Variants in USP10 observed in about 807,000 individuals in gnomAD.
USP10 encodes ubiquitin carboxyl-terminal hydrolase 10.
A neutral mutation model predicts 84.5 loss-of-function variants in USP10; 22 were observed. That is an observed-to-expected ratio of 0.26 (90% CI 0.19 to 0.37). The LOEUF (loss-of-function observed/expected upper bound fraction) is 0.37. Among genes scored for constraint, USP10 ranks in the 10% least tolerant of loss-of-function variants. The probability of loss-of-function intolerance (pLI) is 1.00; values close to 1 mark genes in which losing one functional copy is unlikely to be tolerated. For synonymous variants in USP10, 454 were observed against 387.6 expected, an observed-to-expected ratio of 1.17 and a Z score of -2.01; for missense variants, 1,019 against 998.9, an observed-to-expected ratio of 1.02 and a Z score of -0.27.
intron 1 of USP10, among the ~76,000 whole-genome samples, chr16:84,726,911 A>G (rs1356582217): frequency 6.6e-6 from 1 of 152,016 alleles, no homozygotes; most frequent in Non-Finnish European, 1.5e-5. Flanking sequence ...GCTTTCTGAT[A>G]CCTCCTTTTG....
At chr16:84,720,003 T>A (rs1396482300) in intron 1 of USP10, among the ~76,000 whole-genome samples, 2 of 152,236 alleles carry the variant, frequency 1.3e-5, no homozygotes, top group African/African-American at 4.8e-5. Flanking sequence ...GTAACTTTGC[T>A]TTCCATTAAC....
At position 84,745,314 on chromosome 16, in the gene USP10, C is replaced by G. The variant is rs762659559; in HGVS notation, c.833C>G (p.Thr278Ser). 6.2e-7 allele frequency: 1 copy of G among 1,612,984 alleles called. No homozygotes were observed. The highest frequency in any genetic ancestry group is 1.3e-5 in the African/African-American group (1 of 74,918). ...AGAQPCVGTD[T>S]TENLGVANGQ... Reference sequence around the variant, plus strand: ...GCTCAGCCCTGCGTTGGTACCGATACTACTGAAAACCTTGGAGTTGCTAAT... The same window carrying G: ...GCTCAGCCCTGCGTTGGTACCGATAGTACTGAAAACCTTGGAGTTGCTAAT... Residue 278 changes from threonine to serine, a missense_variant, in exon 4 of 14, where the codon ACT (threonine) becomes AGT (serine). Physicochemically the swap from Thr to Ser is moderately conservative, Grantham distance 58. Coordinates refer to ENST00000219473, the MANE Select transcript of USP10 (RefSeq NM_005153.3).
At position 84,745,553 on chromosome 16, in the gene USP10, G is replaced by A; in HGVS notation, c.1072G>A (p.Ala358Thr). The A allele has an allele frequency of 1.2e-6, 2 of 1,611,994 alleles. No individual in the cohort carries two copies. The highest frequency in any genetic ancestry group is 1.1e-5 in the South Asian group (1 of 90,618). ...TAAGCCCTCTTCCTCCTCGCCGGTG[G>A]CCTATGTGGAAACTAAGTATTCCCC... ...DSKPSSSSPV[A>T]YVETKYSPPA... The change falls in exon 4 of 14, where the codon GCC (alanine) becomes ACC (threonine). Residue 358 changes from alanine to threonine, a missense_variant. Transcript: ENST00000219473.
At chr16:84,743,420 G>A (rs987734780) in intron 3 of USP10, among the ~76,000 whole-genome samples, 1 of 152,100 alleles carries the variant, frequency 6.6e-6, no homozygotes, top group Admixed American at 6.5e-5. Flanking sequence ...CACGTAACTG[G>A]CCCCTCTCAG....
At chr16:84,713,410 C>G (rs12445172) in intron 1 of USP10, among the ~76,000 whole-genome samples, 31,051 of 151,908 alleles carry the variant, frequency 0.2, 3,791 homozygotes, top group East Asian at 0.38. Flanking sequence ...ACACTTGTCA[C>G]CCTGTCTGCT....
Position 84,768,089 on chromosome 16 carries a change from A to T in USP10, c.1833-104A>T, listed in dbSNP as rs369562546. On this transcript the variant is annotated intron_variant, in intron 10 of 13. Coordinates refer to ENST00000219473, the MANE Select transcript of USP10 (RefSeq NM_005153.3). ...TTTTCTCTGTGGTCTTTTGAAAGTG[A>T]TATTGAATAATCTTATTTTCAGTGT... 62 of 1,266,938 alleles carry T rather than the reference A, an allele frequency of 4.9e-5. 1 individual carries two copies. In the East Asian group the frequency reaches 5.6e-4, roughly 11 times the overall value. 78.5% of individuals were successfully genotyped at this position (1,266,938 alleles called of 1,614,324 possible).
chr16:84,738,542 C>T (rs1843915849), intron 2 of USP10, among the ~76,000 whole-genome samples: 1 of 152,156 alleles, frequency 6.6e-6, no homozygotes, highest in South Asian at 2.1e-4. Flanking sequence ...TGCCTGCCAG[C>T]ATCAATGCTG....
chr16:84,725,347 C>T (rs1341803040), intron 1 of USP10, among the ~76,000 whole-genome samples: 1 of 152,130 alleles, frequency 6.6e-6, no homozygotes, highest in Non-Finnish European at 1.5e-5. Flanking sequence ...CAAAGTCATC[C>T]TGTTGTAGCA....
chr16:84,712,814 A>G (rs1220791890), intron 1 of USP10, among the ~76,000 whole-genome samples: 1 of 152,160 alleles, frequency 6.6e-6, no homozygotes, highest in East Asian at 1.9e-4. Context: ...CGCACGTCAC[A>G]TATAAGTTAT....
intron 4 of USP10, among the ~76,000 whole-genome samples, chr16:84,751,076 G>A (rs543617826): frequency 2.6e-5 from 4 of 152,320 alleles, no homozygotes; most frequent in East Asian, 1.9e-4. Flanking sequence ...CCGCATGTAC[G>A]ACAGTGGTCC....
At chr16:84,761,213 G>A (rs1406503768) in intron 8 of USP10, among the ~76,000 whole-genome samples, 1 of 152,186 alleles carries the variant, frequency 6.6e-6, no homozygotes, top group Non-Finnish European at 1.5e-5. Context: ...AAGATACAGA[G>A]ATGCCTTAGA....
chr16:84,748,342 C>T (rs1269557439), intron 4 of USP10, among the ~76,000 whole-genome samples: 4 of 151,834 alleles, frequency 2.6e-5, no homozygotes, highest in Non-Finnish European at 5.9e-5. Context: ...CTCACTCTGT[C>T]GCCCAGGCCG....
chr16:84,700,006 GTA>G lies in USP10; in HGVS notation c.-83_-82del, dbSNP rs1904620895. 1 of 1,271,674 alleles carries G rather than the reference GTA, an allele frequency of 7.9e-7. No homozygotes were observed. Among genetic ancestry groups the G allele is most frequent in the African/African-American group, 1.6e-5 (1 of 62,668 alleles). The allele number at this position is 1,271,674 out of a possible 1,614,324, so 78.8% of individuals were successfully genotyped here. On this transcript the variant is annotated 5_prime_UTR_variant, in exon 1 of 14. It removes an upstream start codon present in the reference 5' UTR. Transcript: ENST00000219473. ...CAGGCGCGGCGGCCGATGCGAGTGT[GTA>G]TGTGCGGGCGAGAAGATGGCGGCGG...
At chr16:84,718,449 A>G (rs567207069) in intron 1 of USP10, among the ~76,000 whole-genome samples, 8 of 152,204 alleles carry the variant, frequency 5.3e-5, no homozygotes, top group African/African-American at 1.7e-4. Context: ...TATTACTTCT[A>G]ATTTAGTTGC....
intron 1 of USP10, among the ~76,000 whole-genome samples, chr16:84,700,897 C>T (rs1904782478): frequency 6.6e-6 from 1 of 151,916 alleles, no homozygotes; most frequent in African/African-American, 2.4e-5. Flanking sequence ...CCTCTCCCAC[C>T]CCTTCTCTCA....
At chr16:84,742,632 T>G (rs1910754955) in intron 3 of USP10, among the ~76,000 whole-genome samples, 1 of 152,130 alleles carries the variant, frequency 6.6e-6, no homozygotes, top group Non-Finnish European at 1.5e-5. Flanking sequence ...ATTGATTGGG[T>G]TGTTGAAGCC....
chr16:84,724,766 G>A (rs1335200302), intron 1 of USP10, among the ~76,000 whole-genome samples: 1 of 152,102 alleles, frequency 6.6e-6, no homozygotes. Flanking sequence ...TCGTAGTCTC[G>A]CATAGTTGAG....
chr16:84,756,554 C>T (rs1912568162), intron 4 of USP10, among the ~76,000 whole-genome samples: 1 of 152,156 alleles, frequency 6.6e-6, no homozygotes, highest in African/African-American at 2.4e-5. Flanking sequence ...GATTGCACCA[C>T]TGCACTCCAG....
chr16:84,734,767 T>G (rs1202614556), intron 2 of USP10, among the ~76,000 whole-genome samples: 1 of 152,224 alleles, frequency 6.6e-6, no homozygotes, highest in African/African-American at 2.4e-5. Context: ...AGTTTTCAGA[T>G]TTTGTTTTCA....
Sources: gnomAD v4.1 joint callset for allele counts (sites outside exome capture counted in the v4.1 genomes callset) on GRCh38, gnomAD v4.1.1 for gene constraint, MANE v1.5 for transcripts, NCBI Gene and HGNC (gene_info 2026-07-23, HGNC 2026-07-21) for gene names.